The following SLC7A7 variants were observed in gnomAD, a reference collection of about 807,000 sequenced individuals.
The protein encoded by SLC7A7 is solute carrier family 7 member 7.
Under a neutral mutation model 47.9 loss-of-function variants are expected in SLC7A7, and 39 were observed. That is an observed-to-expected ratio of 0.81 (90% CI 0.63 to 1.06). The LOEUF (loss-of-function observed/expected upper bound fraction) is 1.06, where lower values mean the gene tolerates loss of function less well. Ranked by LOEUF, SLC7A7 falls within the 50% of genes least tolerant of loss-of-function variation. The pLI is 0.00. For synonymous variants in SLC7A7, 234 were observed against 242.8 expected (o/e 0.96, Z 0.34); for missense variants, 588 against 632.0 (o/e 0.93, Z 0.75).
At chr14:22,818,993 A>C (rs902307204), upstream of SLC7A7, among the ~76,000 whole-genome samples, 2 of 152,132 alleles carry the variant, frequency 1.3e-5, no homozygotes, top group African/African-American at 2.4e-5. Flanking sequence ...TGAAGATTAC[A>C]GGACAACACA....
rs539644462 is a variant in SLC7A7, at chr14:22,793,624, C to T, written c.500-13573G>A. Among the ~76,000 whole-genome samples, 10 of 152,008 alleles carry T rather than the reference C, an allele frequency of 6.6e-5. No homozygotes were observed. The South Asian group carries it at 2.1e-3, about 32-fold the overall frequency. On this transcript the variant is annotated intron_variant, in intron 2 of 9. Transcript: ENST00000674313. The stretch of plus-strand genomic sequence containing the variant: ...GTCAGGAGTTCAAGACCAGCCTGGG[C>T]AACATGGTGAAAACCTGTCTCTACT...
At chr14:22,815,013 G>C (rs2039383621) in intron 1 of SLC7A7, 1 of 260,016 alleles carries the variant, frequency 3.8e-6, no homozygotes, top group Non-Finnish European at 7.7e-6. Flanking sequence ...TGAGAGAAGG[G>C]CGATCCAATG....
chr14:22,806,715 C>T (rs985342513), intron 2 of SLC7A7, among the ~76,000 whole-genome samples: 18 of 151,998 alleles, frequency 1.2e-4, no homozygotes, highest in Admixed American at 1.2e-3. Context: ...GCGGCAAAAG[C>T]ACAAGGCACA....
intron 4 of SLC7A7, 95 bp from the exon 5 acceptor site, chr14:22,776,413 C>T: frequency 6.6e-7 from 1 of 1,514,786 alleles, no homozygotes; most frequent in South Asian, 1.1e-5. Flanking sequence ...CCGGTCTTTC[C>T]AGGGATGGAG....
intron 2 of SLC7A7, among the ~76,000 whole-genome samples, chr14:22,807,979 T>C (rs1022367842): frequency 1.3e-5 from 2 of 152,062 alleles, no homozygotes; most frequent in Admixed American, 6.6e-5. Flanking sequence ...CTGGCCAACG[T>C]GGTGAAACCC....
At chr14:22,808,969 AAC>A in intron 2 of SLC7A7, among the ~76,000 whole-genome samples, 1 of 152,338 alleles carries the variant, frequency 6.6e-6, no homozygotes, top group Admixed American at 6.5e-5. Flanking sequence ...CCTGGAATTA[AAC>A]AGTCAGTGCA....
intron 2 of SLC7A7, among the ~76,000 whole-genome samples, chr14:22,809,042 C>G (rs4982677): frequency 0.61 from 93,039 of 152,112 alleles, 28,905 homozygotes; most frequent in East Asian, 0.81. Context: ...TGCACAAGTG[C>G]TGTGCACCTT....
intron 6 of SLC7A7, 100 bp downstream of exon 6, chr14:22,775,733 T>A: frequency 1.0e-6 from 1 of 974,282 alleles, no homozygotes. Flanking sequence ...GGTTGTGGTA[T>A]CGGTTGGAGA....
chr14:22,806,105 C>A (rs1282826701), intron 2 of SLC7A7, among the ~76,000 whole-genome samples: 1 of 104,208 alleles, frequency 9.6e-6, no homozygotes, highest in African/African-American at 3.9e-5. Context: ...ACTGACATAG[C>A]GAGACTCTGT....
At position 22,813,367 on chromosome 14, in the gene SLC7A7, G is replaced by A. The variant is rs766414757; in HGVS notation, c.32C>T (p.Ser11Phe). 5 of 1,613,534 alleles carry A rather than the reference G, an allele frequency of 3.1e-6. No homozygotes were observed. The South Asian group carries it at 3.3e-5, about 11-fold the overall frequency. ...AGGGGAGGTTTCCACCTCAGGCTGG[G>A]AGGCCACTTCATACTCAGTGCTGTC... MVDSTEYEVA[S>F]QPEVETSPLG... The change falls in exon 2 of 10, where the codon TCC becomes TTC. Residue 11 changes from serine to phenylalanine, a missense_variant. Physicochemically the swap from Ser to Phe is radical, Grantham distance 155. Coordinates refer to ENST00000674313, the MANE Select transcript of SLC7A7 (RefSeq NM_003982.4).
chr14:22,778,657 C>T (rs2038659865), intron 4 of SLC7A7, 136 bp downstream of exon 4: 1 of 869,610 alleles, frequency 1.1e-6, no homozygotes, highest in South Asian at 1.8e-5. Context: ...TTCTCTGAGC[C>T]TCAGGCCTCC....
intron 2 of SLC7A7, among the ~76,000 whole-genome samples, chr14:22,798,139 T>C (rs2039049520): frequency 6.6e-6 from 1 of 151,886 alleles, no homozygotes; most frequent in South Asian, 2.1e-4. Flanking sequence ...CTACTAAAAA[T>C]ACAAAAAATT....
intron 2 of SLC7A7, among the ~76,000 whole-genome samples, chr14:22,785,257 G>A (rs1486697196): frequency 6.6e-6 from 1 of 152,082 alleles, no homozygotes; most frequent in Non-Finnish European, 1.5e-5. Context: ...CAGCCTGGGT[G>A]ACACAGTGAG....
intron 2 of SLC7A7, among the ~76,000 whole-genome samples, chr14:22,789,037 CA>C (rs532670915): frequency 6.6e-6 from 1 of 152,180 alleles, no homozygotes; most frequent in East Asian, 1.9e-4. Flanking sequence ...AAAATTGAAC[CA>C]AAAAGTGAGG....
At chr14:22,788,084 A>G (rs1343071394) in intron 2 of SLC7A7, among the ~76,000 whole-genome samples, 1 of 152,142 alleles carries the variant, frequency 6.6e-6, no homozygotes, top group Non-Finnish European at 1.5e-5. Flanking sequence ...AAAAAAAAAA[A>G]ATTAAAATGT....
At position 22,777,832 on chromosome 14, in the gene SLC7A7, G is replaced by C. The variant is rs190557664; in HGVS notation, c.770+961C>G. ...CTCATGCCTGTAATCCCAGCACTTT[G>C]GGAGGCTAAGGCGGGCGGATCACCT... On this transcript the variant is annotated intron_variant, in intron 4 of 9. Transcript: ENST00000674313. 2.4e-3 allele frequency among the ~76,000 whole-genome samples: 368 copies of C among 152,326 alleles called. 1 individual carries two copies. The highest frequency in any genetic ancestry group is 8.5e-3 in the African/African-American group (353 of 41,580).
At chr14:22,792,399 C>CA (rs1000505455) in intron 2 of SLC7A7, among the ~76,000 whole-genome samples, 27 of 152,012 alleles carry the variant, frequency 1.8e-4, no homozygotes, top group Middle Eastern at 6.8e-3. Context: ...CCTTTCTCTA[C>CA]AAAAAAATTA....
chr14:22,775,318 C>G, intron 7 of SLC7A7, 126 bp downstream of exon 7: 5 of 847,130 alleles, frequency 5.9e-6, no homozygotes, highest in Non-Finnish European at 1.0e-5. Flanking sequence ...GGTGAACATT[C>G]TGATCCACCA....
At chr14:22,788,454 T>C (rs768617453) in intron 2 of SLC7A7, among the ~76,000 whole-genome samples, 23 of 152,096 alleles carry the variant, frequency 1.5e-4, no homozygotes, top group South Asian at 6.2e-4. Flanking sequence ...TCTGTAATCC[T>C]AGCACGTTGG....
Sources: allele counts gnomAD v4.1 joint callset (sites outside exome capture counted in the v4.1 genomes callset), GRCh38; gene constraint gnomAD v4.1.1; transcripts MANE v1.5; gene names NCBI Gene and HGNC (gene_info 2026-07-23, HGNC 2026-07-21).